Variants in RBM4 observed in about 807,000 individuals in gnomAD.
RBM4 encodes the protein RNA binding motif protein 4, also known as RNA-binding protein 4.
In RBM4, 7 loss-of-function variants were observed where a neutral mutation model predicts 29.5. That is an observed-to-expected ratio of 0.24 (90% CI 0.14 to 0.45). The LOEUF (loss-of-function observed/expected upper bound fraction) is 0.45, where lower values mean the gene tolerates loss of function less well. Ranked by LOEUF, RBM4 falls within the 20% of genes least tolerant of loss-of-function variation. RBM4 has a pLI of 1.00. For missense variants in RBM4, 387 were observed against 502.3 expected, an observed-to-expected ratio of 0.77 and a Z score of 2.19; for synonymous variants, 220 against 205.4, an observed-to-expected ratio of 1.07 and a Z score of -0.61.
At chr11:66,663,822 C>T (rs1182514386) in intron 2 of RBM4, among the ~76,000 whole-genome samples, 1 of 151,956 alleles carries the variant, frequency 6.6e-6, no homozygotes, top group Non-Finnish European at 1.5e-5. Context: ...GAATCTGGCT[C>T]AGCCTTTTTC....
chr11:66,665,480 G>T, intron 2 of RBM4: 1 of 903,364 alleles, frequency 1.1e-6, no homozygotes, highest in South Asian at 1.4e-5. Context: ...TTTGTTTACT[G>T]AAACATGAAG....
rs1255823066 is a variant in RBM4, at chr11:66,658,898, C to T, written c.413-6958C>T. Among the ~76,000 whole-genome samples, 6 of 148,822 alleles carry T rather than the reference C, an allele frequency of 4.0e-5. No individual in the cohort carries two copies. The South Asian group carries it at 8.5e-4, about 21-fold the overall frequency. On this transcript the variant is annotated intron_variant, in intron 2 of 2. Transcript: ENST00000396053. The stretch of plus-strand genomic sequence containing the variant: ...GTTCTATTGAGCCAAGATTGGGCCA[C>T]GGCACTCTAGCCTGGGCAACAGAGC...
chr11:66,663,697 T>C (rs1013649973), intron 2 of RBM4, among the ~76,000 whole-genome samples: 3 of 129,028 alleles, frequency 2.3e-5, no homozygotes, highest in African/African-American at 2.7e-5. Flanking sequence ...AAAATGTGTG[T>C]GTATATGTGT....
intron 2 of RBM4, among the ~76,000 whole-genome samples, chr11:66,663,310 G>A (rs866709465): frequency 1.3e-5 from 2 of 152,154 alleles, no homozygotes; most frequent in African/African-American, 4.8e-5. Flanking sequence ...CCTAATCCTA[G>A]CAGAATATTA....
chr11:66,643,607 T>C lies in RBM4; in HGVS notation c.570T>C (p.Tyr190=). Residue 190 remains tyrosine (Y), a synonymous_variant, in exon 3 of 4, where the codon TAT becomes TAC. Coordinates refer to ENST00000310092, the MANE Select transcript of RBM4 (RefSeq NM_002896.4). The surrounding 1 kb of genome is among the most constrained non-coding windows in gnomAD (Gnocchi z 6.1). ...SGRVADLTEQ[Y]NEQYGAVRTP... ...GCGTGGCAGACTTGACCGAGCAATATAATGAGCAATACGGAGCAGTGCGTA... is the reference window on the plus strand; with the variant it reads ...GCGTGGCAGACTTGACCGAGCAATACAATGAGCAATACGGAGCAGTGCGTA... 6.2e-7 allele frequency: 1 copy of C among 1,614,138 alleles called. No homozygotes were observed. The highest frequency in any genetic ancestry group is 1.3e-5 in the African/African-American group (1 of 75,020).
intron 2 of RBM4, chr11:66,665,282 G>A (rs1939183793): frequency 1.4e-5 from 6 of 422,460 alleles, no homozygotes; most frequent in Non-Finnish European, 2.6e-5. Flanking sequence ...TCAACTCCTA[G>A]GGAAAGCAAG....
In RBM4 at chr11:66,640,045, GATT is replaced by G; in HGVS notation, c.337_339del (p.Tyr113del). On this transcript the variant is annotated inframe_deletion, in exon 2 of 4. Transcript: ENST00000310092. ...GGTCATCGAATGTGACATCGTGAAA[GATT>G]ATGCCTTCGTACACATGGAGCGGGC... 6.2e-7 allele frequency: 1 copy of G among 1,614,224 alleles called. No individual in the cohort carries two copies. The highest frequency in any genetic ancestry group is 8.5e-7 in the Non-Finnish European group (1 of 1,180,046).
At chr11:66,657,682 CA>C (rs763265823) in intron 2 of RBM4, among the ~76,000 whole-genome samples, 2,473 of 28,062 alleles carry the variant, frequency 0.088, 28 homozygotes, top group African/African-American at 0.22. Flanking sequence ...GATTCCATCT[CA>C]AAAAAAAAAA....
chr11:66,651,067 C>T (rs1020424641), downstream of RBM4, among the ~76,000 whole-genome samples: 1 of 151,902 alleles, frequency 6.6e-6, no homozygotes, highest in African/African-American at 2.4e-5. Context: ...TGGGTGAATG[C>T]TAAATTAAAC....
At chr11:66,651,901 C>T (rs940139727) in intron 2 of RBM4, among the ~76,000 whole-genome samples, 1 of 144,088 alleles carries the variant, frequency 6.9e-6, no homozygotes, top group Non-Finnish European at 1.5e-5. Context: ...GCATAATCAC[C>T]TCTCAAAAGT....
chr11:66,639,232 C>A (rs1467212455), intron 1 of RBM4: 1 of 159,332 alleles, frequency 6.3e-6, no homozygotes, highest in African/African-American at 2.4e-5. Flanking sequence ...TCATTACTTC[C>A]AAAGGAAACT....
At chr11:66,664,322 G>C (rs988205034) in intron 2 of RBM4, among the ~76,000 whole-genome samples, 2 of 151,478 alleles carry the variant, frequency 1.3e-5, no homozygotes, top group Admixed American at 1.3e-4. Flanking sequence ...GCTAATTTTT[G>C]TATTTTTAGT....
intron 1 of RBM4, chr11:66,639,469 G>T (rs1938343182): frequency 5.1e-6 from 3 of 582,818 alleles, no homozygotes; most frequent in African/African-American, 3.7e-5. Flanking sequence ...CAAACCCTTT[G>T]TCTACTAAGG....
At chr11:66,663,702 A>ATGTGTGTGTGTGTGTGTGTGTG (rs66797662) in intron 2 of RBM4, among the ~76,000 whole-genome samples, 1 of 148,410 alleles carries the variant, frequency 6.7e-6, no homozygotes, top group Non-Finnish European at 1.5e-5. Context: ...GTGTGTGTAT[A>ATGTGTGTGTGTGTGTGTGTGTG]TGTGTGTGTG....
intron 2 of RBM4, among the ~76,000 whole-genome samples, chr11:66,655,772 G>A (rs974892508): frequency 6.6e-6 from 1 of 152,188 alleles, no homozygotes; most frequent in Non-Finnish European, 1.5e-5. Flanking sequence ...GAAGAGGTCA[G>A]GTAGTTAGCA....
chr11:66,652,747 G>A (rs1045793804), intron 2 of RBM4, among the ~76,000 whole-genome samples: 5 of 152,206 alleles, frequency 3.3e-5, no homozygotes, highest in South Asian at 2.1e-4. Flanking sequence ...GGCGCATGTC[G>A]TAGTCTCAGC....
At chr11:66,647,409 T>G (rs1326117995), downstream of RBM4, among the ~76,000 whole-genome samples, 1 of 152,234 alleles carries the variant, frequency 6.6e-6, no homozygotes, top group Non-Finnish European at 1.5e-5. Flanking sequence ...TTTGAACAGC[T>G]CTATACAACA....
In RBM4 at chr11:66,643,724, G is replaced by A. The variant is rs1236402584; in HGVS notation, c.687G>A (p.Arg229=). 6.2e-7 allele frequency: 1 copy of A among 1,613,996 alleles called. No homozygotes were observed. The highest frequency in any genetic ancestry group is 1.3e-5 in the African/African-American group (1 of 74,902). ...ACTACAAGCGCTGCCGTGCTGCCCG[G>A]TCCTATGAGGCAGTGGCAGCTGCAG... ...DAYYKRCRAA[R]SYEAVAAAAA... is the part of the protein sequence containing the mutation. The change falls in exon 3 of 4, where the codon CGG becomes CGA. Residue 229 remains arginine, a synonymous_variant. Transcript: ENST00000310092. This position sits in a 1 kb window ranked among gnomAD's most constrained non-coding sequence, Gnocchi z 6.1.
At chr11:66,649,887 GT>G, downstream of RBM4, 1 of 571,628 alleles carries the variant, frequency 1.7e-6, no homozygotes. Context: ...TCAAAATGTA[GT>G]TTTTCAAGAG....
Sources: allele counts gnomAD v4.1 joint callset (sites outside exome capture counted in the v4.1 genomes callset), GRCh38; gene constraint gnomAD v4.1.1; non-coding constraint Gnocchi (gnomAD v3.1); transcripts MANE v1.5; gene names NCBI Gene and HGNC (gene_info 2026-07-23, HGNC 2026-07-21).